Variants in KALRN observed in about 807,000 individuals in gnomAD.
The protein encoded by KALRN is kalirin RhoGEF kinase.
KALRN carries 70 observed loss-of-function variants against 353.7 expected under a neutral mutation model. The ratio of observed to expected loss-of-function variants is 0.20; its 90% confidence interval spans 0.16 to 0.24. KALRN has a LOEUF of 0.24. Among genes scored for constraint, KALRN ranks in the 10% least tolerant of loss-of-function variants. KALRN has a pLI of 1.00. For missense variants in KALRN, 2,791 were observed against 3,756.7 expected (o/e 0.74, Z 6.72); for synonymous variants, 1,391 against 1,434.8 (o/e 0.97, Z 0.69).
chr3:124,140,980 C>T (rs762405124), intron 1 of KALRN, among the ~76,000 whole-genome samples: 11 of 152,280 alleles, frequency 7.2e-5, no homozygotes, highest in African/African-American at 1.4e-4. Flanking sequence ...CCACCTTCTC[C>T]GCAAATTTTT....
chr3:124,329,880 C>G lies in KALRN; in HGVS notation c.1304C>G (p.Ala435Gly). The G allele has an allele frequency of 6.2e-7, 1 of 1,613,664 alleles. No homozygotes were observed. The highest frequency in any genetic ancestry group is 8.5e-7 in the Non-Finnish European group (1 of 1,179,784). The change falls in exon 8 of 60, where the codon GCC (alanine) becomes GGC (glycine). Residue 435 changes from alanine (A) to glycine (G), a missense_variant. Physicochemically the swap from Ala to Gly is moderately conservative, Grantham distance 60. This residue lies in a region of KALRN where 366 missense variants were observed against 489.2 expected (regional missense o/e 0.75). Coordinates refer to ENST00000682506, the MANE Select transcript of KALRN (RefSeq NM_001388419.1). ...TTCCAGTTCCTGTCGGGAGTGGATG[C>G]CTGGTGCAAGATGTGCAGTGAAGGT... ...KAEQFLSGVDAWCKMCSEGGL... is the reference protein window; with the variant it reads ...KAEQFLSGVDGWCKMCSEGGL...
chr3:124,451,854 C>A (rs2058817944), intron 21 of KALRN, among the ~76,000 whole-genome samples: 1 of 152,174 alleles, frequency 6.6e-6, no homozygotes, highest in South Asian at 2.1e-4. Context: ...AATGTTCTAC[C>A]ATTTCTATAC....
intron 1 of KALRN, among the ~76,000 whole-genome samples, chr3:124,112,687 A>C (rs76788491): frequency 0.045 from 6,841 of 152,190 alleles, 160 homozygotes; most frequent in Middle Eastern, 0.071. Context: ...CTCATCTTAG[A>C]AGTCCCCCTT....
intron 1 of KALRN, among the ~76,000 whole-genome samples, chr3:124,227,684 T>A (rs865933027): frequency 8.3e-6 from 1 of 119,950 alleles, no homozygotes; most frequent in African/African-American, 3.2e-5. Flanking sequence ...TTTTTTTTTT[T>A]TTTTTTTTTT....
intron 28 of KALRN, among the ~76,000 whole-genome samples, chr3:124,483,220 G>A (rs918661312): frequency 2.0e-5 from 3 of 152,218 alleles, no homozygotes; most frequent in African/African-American, 7.2e-5. Flanking sequence ...TACAGAAGCA[G>A]ATTCCTCCTG....
intron 5 of KALRN, 24 bp from the exon 6 acceptor site, chr3:124,298,767 G>A: frequency 6.2e-7 from 1 of 1,613,938 alleles, no homozygotes. Context: ...TTCTGATTAT[G>A]CTGTGCCTTC....
intron 5 of KALRN, among the ~76,000 whole-genome samples, chr3:124,290,445 T>C (rs2076322653): frequency 6.6e-6 from 1 of 151,914 alleles, no homozygotes. Flanking sequence ...GAAGGAGGAA[T>C]TGGATGGAGG....
intron 1 of KALRN, among the ~76,000 whole-genome samples, chr3:124,119,057 G>C (rs552197594): frequency 6.6e-6 from 1 of 152,326 alleles, no homozygotes; most frequent in East Asian, 1.9e-4. Flanking sequence ...GTTTTACAGA[G>C]AGTGTCTCTG....
chr3:124,287,942 C>T (rs1411344155), intron 5 of KALRN, among the ~76,000 whole-genome samples: 3 of 148,606 alleles, frequency 2.0e-5, no homozygotes, highest in Admixed American at 2.0e-4. Flanking sequence ...GGTGTGATCT[C>T]GGCACACTGC....
intron 9 of KALRN, among the ~76,000 whole-genome samples, chr3:124,336,604 A>G (rs1018029173): frequency 3.9e-5 from 6 of 152,098 alleles, no homozygotes; most frequent in East Asian, 1.9e-4. Flanking sequence ...CCAGACTCCA[A>G]CTATCAGGGA....
chr3:124,484,421 G>A (rs910742475), intron 28 of KALRN, among the ~76,000 whole-genome samples: 2 of 152,166 alleles, frequency 1.3e-5, no homozygotes, highest in Non-Finnish European at 2.9e-5. Flanking sequence ...CAGTGCTCCA[G>A]CCAACCAACC....
intron 1 of KALRN, among the ~76,000 whole-genome samples, chr3:124,069,027 AAGG>A: frequency 6.6e-6 from 1 of 152,344 alleles, no homozygotes; most frequent in South Asian, 2.1e-4. Context: ...GAATAACAGC[AAGG>A]ACAATAATCA....
intron 19 of KALRN, among the ~76,000 whole-genome samples, chr3:124,445,561 C>A (rs2093809578): frequency 1.3e-5 from 2 of 152,092 alleles, no homozygotes; most frequent in Admixed American, 1.3e-4. Context: ...CAACATGGGC[C>A]CAGAGACAAC....
intron 3 of KALRN, among the ~76,000 whole-genome samples, chr3:124,251,185 T>G (rs1293610929): frequency 6.6e-6 from 1 of 152,088 alleles, no homozygotes; most frequent in Non-Finnish European, 1.5e-5. Context: ...CCATCAGGGT[T>G]TATGCAGCTG....
intron 3 of KALRN, among the ~76,000 whole-genome samples, chr3:124,238,951 G>A (rs989216259): frequency 2.0e-5 from 3 of 152,096 alleles, no homozygotes; most frequent in Non-Finnish European, 4.4e-5. Context: ...AACCTTAAAC[G>A]TCTTCTAATT....
At chr3:124,282,502 T>A (rs1223901704) in intron 5 of KALRN, among the ~76,000 whole-genome samples, 1 of 151,748 alleles carries the variant, frequency 6.6e-6, no homozygotes, top group Non-Finnish European at 1.5e-5. Flanking sequence ...CTCAGCCTCC[T>A]GAGTAACTGG....
intron 48 of KALRN, 122 bp downstream of exon 48, chr3:124,672,020 C>G (rs941044020): frequency 3.9e-6 from 3 of 760,774 alleles, no homozygotes; most frequent in Non-Finnish European, 6.8e-6. Context: ...ACCATCTCAG[C>G]TCACTGCAAC....
intron 3 of KALRN, among the ~76,000 whole-genome samples, chr3:124,255,883 G>C (rs1195730131): frequency 6.6e-6 from 1 of 152,080 alleles, no homozygotes; most frequent in African/African-American, 2.4e-5. Flanking sequence ...GGCATGAGAG[G>C]GCAAACTGAA....
At chr3:124,542,379 C>T (rs979710383) in intron 33 of KALRN, among the ~76,000 whole-genome samples, 10 of 152,140 alleles carry the variant, frequency 6.6e-5, no homozygotes, top group African/African-American at 2.2e-4. Flanking sequence ...AAATGATACA[C>T]ATGAAAACAC....
Sources: allele counts gnomAD v4.1 joint callset (sites outside exome capture counted in the v4.1 genomes callset), GRCh38; gene constraint gnomAD v4.1.1; regional missense constraint gnomAD v4.1.1; transcripts MANE v1.5; gene names NCBI Gene and HGNC (gene_info 2026-07-23, HGNC 2026-07-21).